Variants in CSMD3 observed in about 807,000 individuals in gnomAD.
CSMD3 encodes the protein CUB and Sushi multiple domains 3.
CSMD3 carries 177 observed loss-of-function variants against 435.2 expected under a neutral mutation model. The ratio of observed to expected loss-of-function variants is 0.41; its 90% CI spans 0.36 to 0.46. CSMD3 has a LOEUF of 0.46. Among genes scored for constraint, CSMD3 ranks in the 20% least tolerant of loss-of-function variants. The pLI, the probability that CSMD3 is intolerant of heterozygous loss-of-function variation, is 0.34. For missense variants in CSMD3, 4,265 were observed against 4,504.6 expected, an observed-to-expected ratio of 0.95 and a Z score of 1.52; for synonymous variants, 1,656 against 1,520.5, an observed-to-expected ratio of 1.09 and a Z score of -2.07.
intron 7 of CSMD3, 73 bp from the exon 8 acceptor site, chr8:112,954,834 T>C (rs1435651073): frequency 1.1e-6 from 1 of 926,534 alleles, no homozygotes; most frequent in East Asian, 2.6e-5. Context: ...TAACAAATTT[T>C]GTTAGCATGG....
At chr8:112,587,308 G>T in intron 22 of CSMD3, 73 bp from the exon 23 acceptor site, 1 of 1,087,270 alleles carries the variant, frequency 9.2e-7, no homozygotes, top group Non-Finnish European at 1.4e-6. Flanking sequence ...ATCATGTATG[G>T]AAGTGTTATG....
At chr8:112,846,404 T>C (rs2129644465) in intron 11 of CSMD3, among the ~76,000 whole-genome samples, 1 of 148,692 alleles carries the variant, frequency 6.7e-6, no homozygotes, top group Middle Eastern at 3.4e-3. Flanking sequence ...CCTTTATAAA[T>C]ACACTTTTTA....
At chr8:113,252,955 G>A (rs1289153686) in intron 3 of CSMD3, among the ~76,000 whole-genome samples, 3 of 152,140 alleles carry the variant, frequency 2.0e-5, no homozygotes, top group East Asian at 1.9e-4. Flanking sequence ...GTAAGAACAC[G>A]AGTGTTCGGC....
intron 36 of CSMD3, among the ~76,000 whole-genome samples, chr8:112,385,717 G>T (rs1402136650): frequency 6.6e-6 from 1 of 152,176 alleles, no homozygotes; most frequent in Non-Finnish European, 1.5e-5. Flanking sequence ...GATTTGAATA[G>T]GGGAGGAAGT....
intron 9 of CSMD3, among the ~76,000 whole-genome samples, chr8:112,936,633 G>T (rs1465151987): frequency 6.6e-6 from 1 of 151,836 alleles, no homozygotes; most frequent in Non-Finnish European, 1.5e-5. Flanking sequence ...AAAAATGTGT[G>T]GCATAAAATG....
At position 113,229,426 on chromosome 8, in the gene CSMD3, G is replaced by T. The variant is rs12679351; in HGVS notation, c.514+49166C>A. Among the ~76,000 whole-genome samples the T allele has an allele frequency of 5.7e-3, 865 of 151,318 alleles. 14 individuals carry two copies. The East Asian group carries it at 0.069, about 12-fold the overall frequency. On this transcript the variant is annotated intron_variant, in intron 3 of 70. Transcript: ENST00000297405. ...TTCAAATTAGTTCCTTTCCATTAATGAGTAGAGTCCAATTAAAGAGAACTT... is the reference window on the plus strand; with the variant it reads ...TTCAAATTAGTTCCTTTCCATTAATTAGTAGAGTCCAATTAAAGAGAACTT...
chr8:112,607,013 G>A (rs1220108181), intron 22 of CSMD3, among the ~76,000 whole-genome samples: 5 of 119,760 alleles, frequency 4.2e-5, no homozygotes, highest in Non-Finnish European at 8.8e-5. Context: ...CAAAGTTAGT[G>A]AAAGGAAAAG....
intron 20 of CSMD3, 130 bp from the exon 21 acceptor site, chr8:112,639,041 AAATAT>A: frequency 1.5e-6 from 1 of 648,378 alleles, no homozygotes. Context: ...CATTGCTATA[AAATAT>A]TCCAAATATA....
In CSMD3 at chr8:113,041,586, A is replaced by G. The variant is rs192355429; in HGVS notation, c.918-22407T>C. 1.2e-4 allele frequency among the ~76,000 whole-genome samples: 18 copies of G among 152,200 alleles called. No individual in the cohort carries two copies. The East Asian group carries it at 1.7e-3, about 15-fold the overall frequency. On this transcript the variant is annotated intron_variant, in intron 5 of 70. Transcript: ENST00000297405. Reference sequence around the variant, plus strand: ...AATCTAAAGGGATTTGGAATAGCCTAATTTTGAAGTATATCATTTTTATTA... The same window carrying G: ...AATCTAAAGGGATTTGGAATAGCCTGATTTTGAAGTATATCATTTTTATTA...
chr8:113,327,847 G>A (rs2093994822), intron 1 of CSMD3, among the ~76,000 whole-genome samples: 2 of 152,030 alleles, frequency 1.3e-5, no homozygotes, highest in African/African-American at 4.8e-5. Context: ...ACAAGAGCCT[G>A]GTCAAAACAT....
rs561835206 is a variant in CSMD3, at chr8:112,293,001, TTCTC to T, written c.8615-295_8615-292del. On this transcript the variant is annotated intron_variant, in intron 54 of 70. Transcript: ENST00000297405. ...AGTTTCACGGTACCTATTTCATCCTTTCTCTCTACTTTATTGGGGAGGCAAAGAG... is the reference window on the plus strand; with the variant it reads ...AGTTTCACGGTACCTATTTCATCCTTTCTACTTTATTGGGGAGGCAAAGAG... Among the ~76,000 whole-genome samples, 482 of 152,206 alleles carry T rather than the reference TTCTC, an allele frequency of 3.2e-3. 1 individual carries two copies. Among genetic ancestry groups the T allele is most frequent in the African/African-American group, 0.011 (468 of 41,534 alleles).
intron 3 of CSMD3, among the ~76,000 whole-genome samples, chr8:113,203,443 A>AT (rs1293635308): frequency 5.4e-4 from 79 of 146,170 alleles, no homozygotes; most frequent in Middle Eastern, 3.5e-3. Context: ...TGACCATCTA[A>AT]TTTTTTTTTT....
At chr8:112,929,766 G>A (rs757922293) in intron 9 of CSMD3, among the ~76,000 whole-genome samples, 67 of 152,064 alleles carry the variant, frequency 4.4e-4, no homozygotes, top group Middle Eastern at 7.9e-3. Flanking sequence ...AGTAGAATGC[G>A]TTAGAAAGTA....
At chr8:112,230,069 G>T (rs1178445052) in intron 69 of CSMD3, among the ~76,000 whole-genome samples, 3 of 152,128 alleles carry the variant, frequency 2.0e-5, no homozygotes, top group Non-Finnish European at 2.9e-5. Context: ...GATGGCATTC[G>T]CAGAGTTAGG....
chr8:112,396,699 C>T (rs549502460), intron 35 of CSMD3, among the ~76,000 whole-genome samples: 19 of 152,218 alleles, frequency 1.2e-4, no homozygotes, highest in African/African-American at 4.6e-4. Flanking sequence ...GTGCCAAGTC[C>T]TCTTTTGATT....
At chr8:113,021,407 T>C (rs932546372) in intron 5 of CSMD3, among the ~76,000 whole-genome samples, 2 of 152,220 alleles carry the variant, frequency 1.3e-5, no homozygotes, top group Non-Finnish European at 1.5e-5. Flanking sequence ...ATTTACAATT[T>C]GGTTTTGTTC....
chr8:112,305,220 A>G (rs1038117739), intron 51 of CSMD3, among the ~76,000 whole-genome samples: 4 of 152,140 alleles, frequency 2.6e-5, no homozygotes, highest in African/African-American at 9.7e-5. Flanking sequence ...AGAAAAGACT[A>G]TATTTTGAGG....
At chr8:113,191,618 C>A (rs938951416) in intron 3 of CSMD3, among the ~76,000 whole-genome samples, 3 of 151,500 alleles carry the variant, frequency 2.0e-5, no homozygotes, top group African/African-American at 7.3e-5. Flanking sequence ...GCATAGTAGT[C>A]CTTGGTGTCT....
At chr8:112,793,665 A>C (rs536944057) in intron 13 of CSMD3, among the ~76,000 whole-genome samples, 2 of 152,318 alleles carry the variant, frequency 1.3e-5, no homozygotes, top group African/African-American at 4.8e-5. Context: ...AAGGAAAGTG[A>C]TGCACAGAAA....
Sources: allele counts gnomAD v4.1 joint callset (sites outside exome capture counted in the v4.1 genomes callset), GRCh38; gene constraint gnomAD v4.1.1; transcripts MANE v1.5; gene names NCBI Gene and HGNC (gene_info 2026-07-23, HGNC 2026-07-21).